Variants in LPP observed in about 807,000 individuals in gnomAD.
LPP encodes the protein lipoma-preferred partner.
A neutral mutation model predicts 60.4 loss-of-function variants in LPP; 38 were observed. The observed-to-expected ratio is 0.63, with a 90% confidence interval of 0.49 to 0.83. The LOEUF is 0.83. Ranked by LOEUF, LPP falls within the 40% of genes least tolerant of loss-of-function variation. LPP has a pLI of 0.00. For synonymous variants in LPP, 328 were observed against 290.8 expected (o/e 1.13, Z -1.30); for missense variants, 902 against 783.6 (o/e 1.15, Z -1.80).
chr3:188,300,747 CTT>C (rs759388724), intron 2 of LPP, among the ~76,000 whole-genome samples: 2 of 152,114 alleles, frequency 1.3e-5, no homozygotes, highest in Non-Finnish European at 2.9e-5. Context: ...ATCTGGAAGA[CTT>C]TTTATTTTCT....
chr3:188,181,461 C>T (rs990198042), intron 1 of LPP, among the ~76,000 whole-genome samples: 7 of 152,130 alleles, frequency 4.6e-5, no homozygotes, highest in Admixed American at 2.6e-4. Flanking sequence ...TCTTTCTACC[C>T]TACAGGTTGC....
chr3:188,434,466 A>C (rs1476481884), intron 4 of LPP, among the ~76,000 whole-genome samples: 3 of 152,196 alleles, frequency 2.0e-5, no homozygotes, highest in Admixed American at 6.5e-5. Context: ...TAGGATCAGC[A>C]CTTGCCTTAC....
Position 188,745,783 on chromosome 3 carries a change from G to C in LPP, c.1241-14330G>C, listed in dbSNP as rs187661337. Among the ~76,000 whole-genome samples, 4 of 152,226 alleles carry C rather than the reference G, an allele frequency of 2.6e-5. No homozygotes were observed. In the East Asian group the frequency reaches 7.7e-4, roughly 29 times the overall value. ...TCCCCTTCGTTCTCCTTCCTCTGTT[G>C]GTGGGGATCAATAGAGCAGGATCCT... On this transcript the variant is annotated intron_variant, in intron 8 of 11. Transcript: ENST00000617246.
At chr3:188,591,208 A>G (rs1838635904) in intron 6 of LPP, among the ~76,000 whole-genome samples, 1 of 152,234 alleles carries the variant, frequency 6.6e-6, no homozygotes, top group Non-Finnish European at 1.5e-5. Flanking sequence ...AGACATATGC[A>G]TGACCACTGC....
chr3:188,602,808 C>A (rs966847259), intron 6 of LPP, among the ~76,000 whole-genome samples: 1 of 150,880 alleles, frequency 6.6e-6, no homozygotes, highest in African/African-American at 2.4e-5. Context: ...AGAGAAGTCA[C>A]GTGACTTTCC....
At chr3:188,431,438 G>A (rs7624965) in intron 4 of LPP, among the ~76,000 whole-genome samples, 42,719 of 152,034 alleles carry the variant, frequency 0.28, 6,224 homozygotes, top group African/African-American at 0.3. Context: ...ACGAGACAGA[G>A]TATAAAGAGC....
At chr3:188,166,396 C>T (rs911409993) in intron 1 of LPP, among the ~76,000 whole-genome samples, 1 of 152,168 alleles carries the variant, frequency 6.6e-6, no homozygotes, top group African/African-American at 2.4e-5. Context: ...TTAATGCTCA[C>T]TCATGTGGGA....
chr3:188,858,972 C>G (rs1764504847), intron 9 of LPP, among the ~76,000 whole-genome samples: 1 of 151,246 alleles, frequency 6.6e-6, no homozygotes, highest in African/African-American at 2.4e-5. Context: ...GTCGGTAGTC[C>G]CAGCTACTCA....
At chr3:188,654,189 A>T (rs774248853) in intron 7 of LPP, among the ~76,000 whole-genome samples, 2 of 152,224 alleles carry the variant, frequency 1.3e-5, no homozygotes, top group Non-Finnish European at 2.9e-5. Context: ...TTGCACAAAT[A>T]CACAAAACAA....
intron 8 of LPP, among the ~76,000 whole-genome samples, chr3:188,758,266 T>C (rs1731039311): frequency 6.6e-6 from 1 of 152,150 alleles, no homozygotes; most frequent in Non-Finnish European, 1.5e-5. Flanking sequence ...GTTCAAGCGA[T>C]TCTCCTGCCT....
intron 5 of LPP, among the ~76,000 whole-genome samples, chr3:188,501,527 A>G (rs1299794909): frequency 6.6e-6 from 1 of 152,100 alleles, no homozygotes; most frequent in Non-Finnish European, 1.5e-5. Context: ...AGGCGGGTGG[A>G]TCACGAGGTC....
chr3:188,344,541 T>C (rs1348241745), intron 3 of LPP, among the ~76,000 whole-genome samples: 2 of 152,198 alleles, frequency 1.3e-5, no homozygotes, highest in Admixed American at 6.5e-5. Flanking sequence ...CAGTTGATCA[T>C]GGCATTACTT....
At chr3:188,410,436 A>G (rs933135845) in intron 4 of LPP, among the ~76,000 whole-genome samples, 1 of 152,250 alleles carries the variant, frequency 6.6e-6, no homozygotes, top group Non-Finnish European at 1.5e-5. Flanking sequence ...TTTCCACATC[A>G]ACTTATCTTT....
chr3:188,399,856 A>G (rs1781837382), intron 3 of LPP, among the ~76,000 whole-genome samples: 1 of 152,228 alleles, frequency 6.6e-6, no homozygotes, highest in African/African-American at 2.4e-5. Context: ...GGACGAAAAA[A>G]AGGAAAATAT....
chr3:188,599,751 G>GAGGGGGGTGTGTGT (rs1553938530), intron 6 of LPP, among the ~76,000 whole-genome samples: 3 of 139,828 alleles, frequency 2.1e-5, no homozygotes, highest in African/African-American at 8.1e-5. Context: ...ACTCGTTAGG[G>GAGGGGGGTGTGTGT]GTGTGTGTGT....
chr3:188,436,298 T>C (rs146966437), intron 4 of LPP, among the ~76,000 whole-genome samples: 12 of 152,282 alleles, frequency 7.9e-5, no homozygotes, highest in African/African-American at 2.9e-4. Flanking sequence ...TGATATATAA[T>C]TGACGTTATC....
chr3:188,424,883 T>C (rs565184768), intron 4 of LPP, among the ~76,000 whole-genome samples: 2 of 152,330 alleles, frequency 1.3e-5, no homozygotes, highest in Non-Finnish European at 2.9e-5. Flanking sequence ...AATCATGTCA[T>C]CTGCAAACAG....
At chr3:188,470,234 T>C (rs1801464714) in intron 4 of LPP, among the ~76,000 whole-genome samples, 1 of 151,806 alleles carries the variant, frequency 6.6e-6, no homozygotes, top group African/African-American at 2.4e-5. Context: ...CAATTGAGTC[T>C]CCCTATTTCA....
chr3:188,459,697 C>T (rs1798552952), intron 4 of LPP, among the ~76,000 whole-genome samples: 1 of 152,126 alleles, frequency 6.6e-6, no homozygotes, highest in Admixed American at 6.6e-5. Context: ...AATTCATTGT[C>T]ATGGGGACTC....
Sources: allele counts gnomAD v4.1 joint callset (sites outside exome capture counted in the v4.1 genomes callset), GRCh38; gene constraint gnomAD v4.1.1; transcripts MANE v1.5; gene names NCBI Gene and HGNC (gene_info 2026-07-23, HGNC 2026-07-21).